S100A8: variants seen among roughly 807,000 people sequenced by gnomAD.
S100A8 encodes the protein protein S100-A8.
Under a neutral mutation model 4.2 loss-of-function variants are expected in S100A8, and 1 was observed. The ratio of observed to expected loss-of-function variants is 0.24; its 90% CI spans 0.08 to 1.12. The LOEUF (loss-of-function observed/expected upper bound fraction) is 1.12. S100A8 is among the 50% of genes most tolerant of loss of function. The pLI is 0.53. For synonymous variants in S100A8, 41 were observed against 44.7 expected, an observed-to-expected ratio of 0.92 and a Z score of 0.33; for missense variants, 96 against 111.8, an observed-to-expected ratio of 0.86 and a Z score of 0.64.
the S100A8 span, chr1:153,418,193 G>A: frequency 1.2e-5 from 19 of 1,614,026 alleles, no homozygotes; most frequent in Non-Finnish European, 1.4e-5. Flanking sequence ...CGATGATGAA[G>A]GAGAACTTCC....
the S100A8 span, chr1:153,422,351 G>T: frequency 9.4e-6 from 2 of 213,088 alleles, no homozygotes; most frequent in Non-Finnish European, 1.6e-5. Context: ...ACATTTTAGA[G>T]CAAGGCCTAA....
chr1:153,411,859 C>A, the S100A8 span, among the ~76,000 whole-genome samples: 1 of 152,142 alleles, frequency 6.6e-6, no homozygotes, highest in South Asian at 2.1e-4. Context: ...TTTGACAAAC[C>A]TGACAAAAAC....
chr1:153,417,850 A>G, the S100A8 span: 1 of 521,278 alleles, frequency 1.9e-6, no homozygotes, highest in Non-Finnish European at 3.4e-6. Flanking sequence ...ATCCACCTGC[A>G]TCTCTTCTTG....
chr1:153,418,258 A>C, the S100A8 span: 2 of 1,605,448 alleles, frequency 1.2e-6, no homozygotes, highest in Non-Finnish European at 1.7e-6. Flanking sequence ...TGTTGGTTGG[A>C]CCCTGGCATG....
chr1:153,393,137 A>G (rs190720150), upstream of S100A8, among the ~76,000 whole-genome samples: 24 of 152,226 alleles, frequency 1.6e-4, no homozygotes, highest in Admixed American at 1.6e-3. Flanking sequence ...GACAGCATCC[A>G]CTTCCTATTC....
At chr1:153,390,640 A>G (rs1662070477) in intron 1 of S100A8, 83 bp from the exon 2 acceptor site, 3 of 1,528,968 alleles carry the variant, frequency 2.0e-6, no homozygotes, top group African/African-American at 1.4e-5. Context: ...TCATGCCCCA[A>G]GCGATGGCCT....
At chr1:153,404,861 G>A in the S100A8 span, among the ~76,000 whole-genome samples, 1 of 152,080 alleles carries the variant, frequency 6.6e-6, no homozygotes, top group East Asian at 1.9e-4. Flanking sequence ...CGGGAACCAC[G>A]AAGGACCCAG....
At chr1:153,399,519 A>T in the S100A8 span, among the ~76,000 whole-genome samples, 12,901 of 152,242 alleles carry the variant, frequency 0.085, 643 homozygotes, top group Middle Eastern at 0.12. Flanking sequence ...TGAACCCCCA[A>T]ACTCCACTGT....
chr1:153,390,090 C>T lies in S100A8; in HGVS notation c.*13G>A, dbSNP rs1195522388. 1 of 1,607,398 alleles carries T rather than the reference C, an allele frequency of 6.2e-7. No individual in the cohort carries two copies. The highest frequency in any genetic ancestry group is 8.5e-7 in the Non-Finnish European group (1 of 1,176,294). On this transcript the variant is annotated 3_prime_UTR_variant, in exon 3 of 3. Transcript: ENST00000368733. ...CATGTCCAGGGGCCCAGCCTCTGGG[C>T]CCAGTAACTCAGCTACTCTTTGTGG...
the S100A8 span, chr1:153,418,288 A>C: frequency 1.2e-6 from 2 of 1,604,458 alleles, no homozygotes; most frequent in Admixed American, 1.7e-5. Flanking sequence ...ACATTTTGCT[A>C]TGTGGCCTTG....
chr1:153,419,641 T>C, the S100A8 span: 3 of 323,538 alleles, frequency 9.3e-6, no homozygotes, highest in Non-Finnish European at 1.7e-5. Flanking sequence ...GTCACAGCAA[T>C]GCTCTCCTTG....
At chr1:153,405,224 G>C in the S100A8 span, among the ~76,000 whole-genome samples, 2 of 151,794 alleles carry the variant, frequency 1.3e-5, no homozygotes, top group Admixed American at 6.6e-5. Context: ...GGGTACGCTT[G>C]GGTCACTTCC....
chr1:153,403,392 T>G, the S100A8 span, among the ~76,000 whole-genome samples: 2 of 152,196 alleles, frequency 1.3e-5, no homozygotes, highest in African/African-American at 4.8e-5. Context: ...ATCAATTGAC[T>G]GTGAATGTGA....
At chr1:153,412,999 G>A in the S100A8 span, among the ~76,000 whole-genome samples, 26 of 152,134 alleles carry the variant, frequency 1.7e-4, no homozygotes, top group Non-Finnish European at 2.8e-4. Context: ...TTGGGGCAGC[G>A]GGGAGAGATA....
chr1:153,397,280 T>A, the S100A8 span, among the ~76,000 whole-genome samples: 2 of 151,256 alleles, frequency 1.3e-5, no homozygotes, highest in Non-Finnish European at 2.9e-5. Flanking sequence ...GCCCAGGGGG[T>A]CAGAGGTTTG....
At chr1:153,415,886 A>C in the S100A8 span, among the ~76,000 whole-genome samples, 2 of 152,332 alleles carry the variant, frequency 1.3e-5, no homozygotes, top group South Asian at 4.1e-4. Flanking sequence ...GATGCAACCC[A>C]AGACCTATAG....
the S100A8 span, among the ~76,000 whole-genome samples, chr1:153,415,622 AG>A: frequency 6.6e-6 from 1 of 151,206 alleles, no homozygotes; most frequent in Middle Eastern, 3.4e-3. Context: ...GCATAGGAGG[AG>A]GAAAAACACT....
At chr1:153,403,824 C>G in the S100A8 span, among the ~76,000 whole-genome samples, 1 of 152,184 alleles carries the variant, frequency 6.6e-6, no homozygotes, top group African/African-American at 2.4e-5. Context: ...TTCTCCAACA[C>G]TCTGAACACC....
At chr1:153,397,327 C>A in the S100A8 span, among the ~76,000 whole-genome samples, 14 of 152,300 alleles carry the variant, frequency 9.2e-5, no homozygotes, top group Non-Finnish European at 1.9e-4. Flanking sequence ...GAGCAATTCC[C>A]AGGCAGATGG....
Sources: gnomAD v4.1 joint callset for allele counts (sites outside exome capture counted in the v4.1 genomes callset) on GRCh38, gnomAD v4.1.1 for gene constraint, MANE v1.5 for transcripts, NCBI Gene and HGNC (gene_info 2026-07-23, HGNC 2026-07-21) for gene names.